Variants in INPP4B observed in about 807,000 individuals in gnomAD.
INPP4B encodes inositol polyphosphate 4-phosphatase type II.
Under a neutral mutation model 122.5 loss-of-function variants are expected in INPP4B, and 55 were observed. The ratio of observed to expected loss-of-function variants is 0.45; its 90% CI spans 0.36 to 0.56. INPP4B has a LOEUF of 0.56. Among genes scored for constraint, INPP4B ranks in the 20% least tolerant of loss-of-function variants. The pLI is 0.00. For missense variants in INPP4B, 1,000 were observed against 1,097.7 expected (o/e 0.91, Z 1.26); for synonymous variants, 403 against 388.7 (o/e 1.04, Z -0.43).
chr4:142,667,343 T>A (rs537669666), intron 2 of INPP4B, among the ~76,000 whole-genome samples: 10 of 152,232 alleles, frequency 6.6e-5, no homozygotes, highest in Non-Finnish European at 1.3e-4. Flanking sequence ...TATTGGAGGC[T>A]GCTTCCACCA....
intron 2 of INPP4B, among the ~76,000 whole-genome samples, chr4:142,577,238 A>T (rs933062527): frequency 2.0e-5 from 3 of 152,064 alleles, no homozygotes; most frequent in African/African-American, 7.2e-5. Context: ...TCAAGAAAAC[A>T]GTAAGTCAAG....
intron 15 of INPP4B, among the ~76,000 whole-genome samples, chr4:142,182,295 T>A (rs1561403793): frequency 6.6e-6 from 1 of 152,088 alleles, no homozygotes; most frequent in African/African-American, 2.4e-5. Flanking sequence ...ACGCCTATAA[T>A]CCCAGCACTT....
chr4:142,720,113 A>G (rs1764320069), intron 2 of INPP4B, among the ~76,000 whole-genome samples: 1 of 152,226 alleles, frequency 6.6e-6, no homozygotes, highest in African/African-American at 2.4e-5. Context: ...TGTCATCTCA[A>G]TGATACAGAG....
At chr4:142,311,453 G>C (rs1765481615) in intron 8 of INPP4B, among the ~76,000 whole-genome samples, 1 of 152,058 alleles carries the variant, frequency 6.6e-6, no homozygotes, top group Admixed American at 6.6e-5. Context: ...ATTTCTGGTG[G>C]TTCTAATAAT....
rs1789944456 is a variant in INPP4B at position 142,371,644 on chromosome 4, T to G, written c.372+31294A>C. On this transcript the variant is annotated intron_variant, in intron 7 of 25. Coordinates refer to ENST00000262992, the MANE Select transcript of INPP4B (RefSeq NM_001101669.3). ...GGCAAAGGATCTGAGTAGACATTTC[T>G]CAAAAGAAGACAAATTGAAACAGGT... Among the ~76,000 whole-genome samples, 3 of 152,048 alleles carry G rather than the reference T, an allele frequency of 2.0e-5. 1 individual carries two copies. Among genetic ancestry groups the G allele is most frequent in the South Asian group, 4.1e-4 (2 of 4,822 alleles).
At chr4:142,717,807 T>C (rs748458816) in intron 2 of INPP4B, among the ~76,000 whole-genome samples, 1 of 150,062 alleles carries the variant, frequency 6.7e-6, no homozygotes, top group Non-Finnish European at 1.5e-5. Context: ...AGTTAATGGG[T>C]GCAGCACACC....
chr4:142,667,427 T>G (rs1292808936), intron 2 of INPP4B, among the ~76,000 whole-genome samples: 2 of 152,208 alleles, frequency 1.3e-5, no homozygotes, highest in Non-Finnish European at 2.9e-5. Context: ...TGTAATGCAC[T>G]GTATTGGCCT....
intron 25 of INPP4B, among the ~76,000 whole-genome samples, chr4:142,032,953 A>G (rs1424931095): frequency 3.4e-4 from 51 of 152,102 alleles, no homozygotes; most frequent in Non-Finnish European, 5.9e-5. Context: ...TTTCCAGAAA[A>G]GACTCACAGA....
chr4:142,048,434 G>T (rs1340367687), intron 25 of INPP4B, among the ~76,000 whole-genome samples: 1 of 152,022 alleles, frequency 6.6e-6, no homozygotes, highest in Non-Finnish European at 1.5e-5. Flanking sequence ...GACTTGTGAT[G>T]TCCCCAGTTC....
intron 21 of INPP4B, among the ~76,000 whole-genome samples, chr4:142,115,319 A>G (rs1019826403): frequency 2.6e-5 from 4 of 152,176 alleles, no homozygotes; most frequent in Admixed American, 2.0e-4. Context: ...AACACCACAA[A>G]GATATTCCTC....
At chr4:142,133,418 T>C (rs1802347370) in intron 18 of INPP4B, among the ~76,000 whole-genome samples, 1 of 152,204 alleles carries the variant, frequency 6.6e-6, no homozygotes, top group South Asian at 2.1e-4. Flanking sequence ...CACCTCCACT[T>C]GTCTTCTTCT....
chr4:142,734,287 G>C (rs923200230), intron 1 of INPP4B, among the ~76,000 whole-genome samples: 1 of 152,064 alleles, frequency 6.6e-6, no homozygotes, highest in African/African-American at 2.4e-5. Context: ...CCTTAACCTT[G>C]GACTTTTAGC....
Position 142,391,601 on chromosome 4 carries a change from C to T in INPP4B, c.372+11337G>A, listed in dbSNP as rs146838793. On this transcript the variant is annotated intron_variant, in intron 7 of 25. Coordinates refer to ENST00000262992, the MANE Select transcript of INPP4B (RefSeq NM_001101669.3). ...ACAAAACAAACAAAACAAACAAAAA[C>T]AAACAAACAAAAAAAACCATGTACT... Among the ~76,000 whole-genome samples, 807 of 151,952 alleles carry T rather than the reference C, an allele frequency of 5.3e-3. 6 individuals carry two copies. The highest frequency in any genetic ancestry group is 0.018 in the African/African-American group (767 of 41,482).
chr4:142,077,635 T>G (rs538270807), intron 25 of INPP4B, among the ~76,000 whole-genome samples: 1 of 151,850 alleles, frequency 6.6e-6, no homozygotes, highest in Non-Finnish European at 1.5e-5. Context: ...GCTCTTAGCA[T>G]TCCATGGAGA....
intron 15 of INPP4B, among the ~76,000 whole-genome samples, chr4:142,190,156 TC>T (rs1835101011): frequency 6.6e-6 from 1 of 152,086 alleles, no homozygotes; most frequent in African/African-American, 2.4e-5. Flanking sequence ...AAAAACCTGG[TC>T]TAAAAGACTT....
At chr4:142,729,170 G>A (rs55924145) in intron 1 of INPP4B, among the ~76,000 whole-genome samples, 66 of 152,264 alleles carry the variant, frequency 4.3e-4, no homozygotes, top group Non-Finnish European at 9.1e-4. Flanking sequence ...TGCTGCAGCC[G>A]ATGTAACAAG....
chr4:142,159,469 A>ATT (rs35597934), intron 17 of INPP4B, among the ~76,000 whole-genome samples: 4,285 of 147,946 alleles, frequency 0.029, 189 homozygotes, highest in African/African-American at 0.099. Flanking sequence ...TTCAGATAAC[A>ATT]TTTTTTTTTT....
At chr4:142,403,076 A>G (rs763575125) in intron 6 of INPP4B, 22 bp from the exon 7 acceptor site, 1 of 1,336,818 alleles carries the variant, frequency 7.5e-7, no homozygotes, top group Non-Finnish European at 1.1e-6. Context: ...CAAGCAGACA[A>G]CTTTGATTCA....
chr4:142,669,280 T>A (rs1393914466), intron 2 of INPP4B, among the ~76,000 whole-genome samples: 4 of 152,130 alleles, frequency 2.6e-5, no homozygotes, highest in Non-Finnish European at 4.4e-5. Flanking sequence ...TCTATCAAAA[T>A]TTTAATATAA....
Sources: allele counts gnomAD v4.1 joint callset (sites outside exome capture counted in the v4.1 genomes callset), GRCh38; gene constraint gnomAD v4.1.1; transcripts MANE v1.5; gene names NCBI Gene and HGNC (gene_info 2026-07-23, HGNC 2026-07-21).